Variants in CLCN5 observed in about 807,000 individuals in gnomAD.
CLCN5 encodes the protein Cl-/H+ antiporter 5, also known as H(+)/Cl(-) exchange transporter 5.
CLCN5 carries 17 observed loss-of-function variants against 54.0 expected under a neutral mutation model. The observed-to-expected ratio is 0.31, with a 90% CI of 0.22 to 0.47. The LOEUF (loss-of-function observed/expected upper bound fraction) is 0.47, where lower values mean the gene tolerates loss of function less well. Ranked by LOEUF, CLCN5 falls within the 20% of genes least tolerant of loss-of-function variation. CLCN5 has a pLI of 1.00. For missense variants in CLCN5, 448 were observed against 646.7 expected, an observed-to-expected ratio of 0.69 and a Z score of 3.33; for synonymous variants, 222 against 233.0, an observed-to-expected ratio of 0.95 and a Z score of 0.43.
In CLCN5 at chrX:50,062,599, C is replaced by T. The variant is rs1310328645; in HGVS notation, c.164-7280C>T. ...CCACTGTCAACATTAGACAGATCAA[C>T]GAGACAGAAAGTCAACAAGGATACC... On this transcript the variant is annotated intron_variant, in intron 4 of 14. Transcript: ENST00000376091. 8.7e-5 allele frequency among the ~76,000 whole-genome samples: 7 copies of T among 80,739 alleles called. 1 individual carries two copies. The highest frequency in any genetic ancestry group is 3.6e-4 in the African/African-American group (6 of 16,477). 70.1% of individuals were successfully genotyped at this position (80,739 alleles called of 115,157 possible). A position where few individuals can be genotyped will look rare whatever the true frequency, so the allele number is the denominator to read the frequency against.
At chrX:49,947,328 A>G (rs1161069301) in intron 3 of CLCN5, among the ~76,000 whole-genome samples, 2 of 110,537 alleles carry the variant, frequency 1.8e-5, no homozygotes, top group African/African-American at 3.3e-5. Flanking sequence ...AGTGGGAGCA[A>G]AGTTGAGATG....
Position 49,972,518 on chromosome X carries a change from C to T in CLCN5, c.16+47204C>T, listed in dbSNP as rs145203066. Among the ~76,000 whole-genome samples the T allele has an allele frequency of 6.8e-3, 761 of 111,794 alleles. 9 individuals carry two copies. The highest frequency in any genetic ancestry group is 0.023 in the African/African-American group (720 of 30,792). ...ACAAAATGCTTTCGCTGTATCAGCT[C>T]AGCTGATCCTGCCATCACCTCATGA... is the stretch of plus-strand genomic sequence containing the variant. On this transcript the variant is annotated intron_variant, in intron 3 of 14. Coordinates refer to ENST00000376091, the MANE Select transcript of CLCN5 (RefSeq NM_001127898.4).
At chrX:50,036,509 T>C (rs1266833709) in intron 3 of CLCN5, among the ~76,000 whole-genome samples, 5 of 112,324 alleles carry the variant, frequency 4.5e-5, no homozygotes, top group Admixed American at 9.4e-5. Flanking sequence ...ACTAAAAAGT[T>C]TTCCAGCTTC....
In CLCN5 at chrX:50,081,740, T is replaced by C. The variant is rs782224737; in HGVS notation, c.826T>C (p.Leu276=). The C allele has an allele frequency of 1.2e-5, 14 of 1,209,568 alleles. No homozygotes were observed. The highest frequency in any genetic ancestry group is 1.5e-5 in the Non-Finnish European group (13 of 894,888). Residue 276 remains leucine, a synonymous_variant, in exon 9 of 15, where the codon TTG becomes CTG. Transcript: ENST00000376091. ...CTTGGTGCTGGCAGTGTCATCTGGCTTGAGCCTGGGCAAAGAGGGCCCTCT... is the reference window on the plus strand; with the variant it reads ...CTTGGTGCTGGCAGTGTCATCTGGCCTGAGCCTGGGCAAAGAGGGCCCTCT... ...ITLVLAVSSG[L]SLGKEGPLVH... is the part of the protein sequence containing the mutation.
chrX:50,031,652 C>T (rs1254945747), intron 3 of CLCN5, among the ~76,000 whole-genome samples: 1 of 110,895 alleles, frequency 9.0e-6, no homozygotes, highest in African/African-American at 3.3e-5. Context: ...TTAACCCAGA[C>T]ATTTGAGTAT....
intron 3 of CLCN5, among the ~76,000 whole-genome samples, chrX:49,986,942 T>C (rs902684356): frequency 8.9e-6 from 1 of 111,947 alleles, no homozygotes; most frequent in Non-Finnish European, 1.9e-5. Flanking sequence ...TAGAAAATGC[T>C]GGTGTAAGGT....
At chrX:50,081,387 C>T (rs1211206779) in intron 8 of CLCN5, among the ~76,000 whole-genome samples, 1 of 111,124 alleles carries the variant, frequency 9.0e-6, no homozygotes, top group African/African-American at 3.3e-5. Context: ...TATATGCACA[C>T]TCTCATACTT....
intron 14 of CLCN5, 71 bp from the exon 15 acceptor site, chrX:50,092,058 G>T: frequency 1.3e-6 from 1 of 769,320 alleles, no homozygotes; most frequent in Non-Finnish European, 2.0e-6. Context: ...AGGAGGACAA[G>T]TATCACCTTT....
In CLCN5 at chrX:50,086,773, A is replaced by T. The variant is rs782534333; in HGVS notation, c.1460A>T (p.Asp487Val). 8.3e-7 allele frequency: 1 copy of T among 1,211,086 alleles called. No homozygotes were observed. The change falls in exon 11 of 15, where the codon GAC becomes GTC. Residue 487 changes from aspartate to valine, a missense_variant. Asp to Val is a radical substitution (Grantham distance 152). Transcript: ENST00000376091. ...FNTSKGGELP[D>V]RPAGVGVYSA... is the part of the protein sequence containing the mutation. ...ACAAGCAAAGGGGGTGAACTGCCTGACAGACCGGCTGGCGTGGGAGTCTAC... is the reference window on the plus strand; with the variant it reads ...ACAAGCAAAGGGGGTGAACTGCCTGTCAGACCGGCTGGCGTGGGAGTCTAC...
At chrX:50,090,071 C>T (rs1934034610) in intron 12 of CLCN5, 45 bp from the exon 13 acceptor site, 1 of 1,182,432 alleles carries the variant, frequency 8.5e-7, no homozygotes, top group African/African-American at 1.8e-5. Flanking sequence ...TTGTAAGAAT[C>T]CTGTATTTTG....
chrX:49,996,906 A>G (rs370185006), intron 3 of CLCN5, among the ~76,000 whole-genome samples: 32 of 111,655 alleles, frequency 2.9e-4, no homozygotes, highest in African/African-American at 9.8e-4. Context: ...CTTAGGTAGT[A>G]ACTTTATATA....
At chrX:50,070,992 A>ATTATTTT (rs2147546414) in intron 5 of CLCN5, among the ~76,000 whole-genome samples, 2 of 110,780 alleles carry the variant, frequency 1.8e-5, no homozygotes, top group African/African-American at 6.5e-5. Flanking sequence ...CACAATAGGT[A>ATTATTTT]TTATTTTTTT....
chrX:50,060,350 G>T (rs1233892512), intron 4 of CLCN5, among the ~76,000 whole-genome samples: 1 of 110,305 alleles, frequency 9.1e-6, no homozygotes, highest in Non-Finnish European at 1.9e-5. Context: ...CCTGGGAAGC[G>T]CAAGGGGTCA....
At chrX:49,983,657 A>C (rs1293534334) in intron 3 of CLCN5, among the ~76,000 whole-genome samples, 4 of 107,880 alleles carry the variant, frequency 3.7e-5, no homozygotes, top group African/African-American at 1.3e-4. Context: ...TAATATACAT[A>C]ATGTATTATA....
At chrX:49,928,206 C>T (rs1330120337) in intron 3 of CLCN5, among the ~76,000 whole-genome samples, 2 of 111,718 alleles carry the variant, frequency 1.8e-5, no homozygotes, top group Non-Finnish European at 3.8e-5. Flanking sequence ...GATGAATATC[C>T]CAGTTACCCT....
chrX:50,050,631 T>C (rs1309087393), intron 4 of CLCN5, among the ~76,000 whole-genome samples: 1 of 107,812 alleles, frequency 9.3e-6, no homozygotes, highest in Non-Finnish European at 1.9e-5. Context: ...AAATGTCTTA[T>C]CCTAGTCTGT....
At position 49,983,102 on chromosome X, in the gene CLCN5, A is replaced by AT. The variant is rs1210501010; in HGVS notation, c.16+57788_16+57789insT. 4.5e-5 allele frequency among the ~76,000 whole-genome samples: 5 copies of AT among 111,983 alleles called. No homozygotes were observed. In the East Asian group the frequency reaches 1.4e-3, roughly 31 times the overall value. ...AAATGATCAGTGAGTGAGGAGAATA[A>AT]ATGCTACATCAGAGTTGGTTCAATC... On this transcript the variant is annotated intron_variant, in intron 3 of 14. Transcript: ENST00000376091.
intron 4 of CLCN5, among the ~76,000 whole-genome samples, chrX:50,060,539 C>T (rs1932838123): frequency 9.3e-6 from 1 of 107,666 alleles, no homozygotes. Flanking sequence ...GCTAGCACAG[C>T]AGTCTGAGAT....
intron 3 of CLCN5, among the ~76,000 whole-genome samples, chrX:50,031,039 A>G (rs782364176): frequency 2.2e-4 from 25 of 111,824 alleles, no homozygotes; most frequent in Non-Finnish European, 4.5e-4. Flanking sequence ...CACATTTATG[A>G]CACTCTTGAA....
Sources: gnomAD v4.1 joint callset for allele counts (sites outside exome capture counted in the v4.1 genomes callset) on GRCh38, gnomAD v4.1.1 for gene constraint, MANE v1.5 for transcripts, NCBI Gene and HGNC (gene_info 2026-07-23, HGNC 2026-07-21) for gene names.